The following ASMTL variants were observed in gnomAD, a reference collection of about 807,000 sequenced individuals.
ASMTL encodes acetylserotonin O-methyltransferase like.
In ASMTL, 57 loss-of-function variants were observed where a neutral mutation model predicts 60.3. The observed-to-expected ratio is 0.95, with a 90% CI of 0.76 to 1.18. The LOEUF (loss-of-function observed/expected upper bound fraction) is 1.18. Ranked by LOEUF, ASMTL falls within the 50% of genes most tolerant of loss-of-function variation. ASMTL has a pLI of 0.00. For synonymous variants in ASMTL, 419 were observed against 373.0 expected (o/e 1.12, Z -1.42); for missense variants, 981 against 852.6 (o/e 1.15, Z -1.88).
intron 8 of ASMTL, among the ~76,000 whole-genome samples, chrX:1,422,284 C>G (rs1363718513): frequency 4.6e-5 from 7 of 152,168 alleles, no homozygotes; most frequent in Non-Finnish European, 1.0e-4. Context: ...TGGCCTCATC[C>G]AGCTCATTGA....
chrX:1,451,140 T>C (rs1375802460), intron 1 of ASMTL, among the ~76,000 whole-genome samples: 3 of 111,278 alleles, frequency 2.7e-5, no homozygotes, highest in African/African-American at 1.1e-4. Flanking sequence ...TCCCCATTCC[T>C]AGGGGGTCCT....
chrX:1,432,260 G>A lies in ASMTL; in HGVS notation c.509+9C>T, dbSNP rs1245674106. On this transcript the variant is annotated intron_variant, in intron 6 of 12. Coordinates refer to ENST00000381317, the MANE Select transcript of ASMTL (RefSeq NM_004192.4). ...TGTCCCCCGTCCCCCCACCGCCCCC[G>A]AGACTCACATGGGCTCCCCGCTGTG... 4 of 863,222 alleles carry A rather than the reference G, an allele frequency of 4.6e-6. No individual in the cohort carries two copies. Among genetic ancestry groups the A allele is most frequent in the Non-Finnish European group, 5.5e-6 (3 of 542,670 alleles). 53.5% of individuals were successfully genotyped at this position (863,222 alleles called of 1,614,324 possible).
At chrX:1,442,898 A>C (rs1234098220) in intron 1 of ASMTL, among the ~76,000 whole-genome samples, 1 of 152,156 alleles carries the variant, frequency 6.6e-6, no homozygotes, top group African/African-American at 2.4e-5. Context: ...AAATGCCTCC[A>C]GTGGGGGAGC....
intron 9 of ASMTL, 25 bp downstream of exon 9, chrX:1,421,633 G>T (rs369444146): frequency 6.2e-7 from 1 of 1,613,216 alleles, no homozygotes; most frequent in African/African-American, 1.3e-5. Context: ...TAGACGGAAA[G>T]GTGTCCGCGG....
At chrX:1,428,160 G>C (rs1569533369) in intron 6 of ASMTL, 39 bp from the exon 7 acceptor site, 1 of 1,567,624 alleles carries the variant, frequency 6.4e-7, no homozygotes, top group Non-Finnish European at 8.7e-7. Flanking sequence ...ACAAGGAGGA[G>C]AAAAGTTCCT....
intron 11 of ASMTL, among the ~76,000 whole-genome samples, chrX:1,416,476 G>A (rs1204760032): frequency 1.2e-4 from 17 of 141,422 alleles, no homozygotes; most frequent in Admixed American, 1.1e-3. Flanking sequence ...GACACACATG[G>A]ACATACAGAT....
intron 1 of ASMTL, among the ~76,000 whole-genome samples, chrX:1,443,409 C>T (rs2091160850): frequency 1.6e-5 from 2 of 127,698 alleles, no homozygotes. Context: ...GGACACACGC[C>T]GCCATCTTGG....
chrX:1,453,003 C>T (rs1292490911), upstream of ASMTL: 1 of 562,366 alleles, frequency 1.8e-6, no homozygotes, highest in Admixed American at 3.8e-5. Context: ...TCAGTGGCCT[C>T]CCCGCGAGAC....
chrX:1,453,265 C>G (rs1349426733), upstream of ASMTL, among the ~76,000 whole-genome samples: 12 of 143,780 alleles, frequency 8.3e-5, no homozygotes, highest in Non-Finnish European at 1.7e-4. Flanking sequence ...GCCACACCTC[C>G]TTGCCCTCTC....
chrX:1,415,440 T>A, intron 11 of ASMTL, among the ~76,000 whole-genome samples: 1 of 149,304 alleles, frequency 6.7e-6, no homozygotes, highest in East Asian at 2.0e-4. Context: ...TCCACCTGTT[T>A]ATTTTTATTT....
chrX:1,446,415 T>C (rs1409451970), intron 1 of ASMTL, among the ~76,000 whole-genome samples: 1 of 152,066 alleles, frequency 6.6e-6, no homozygotes, highest in Non-Finnish European at 1.5e-5. Flanking sequence ...CTCTTTGTCT[T>C]GTGTCTTTAT....
In ASMTL at chrX:1,452,823, C is replaced by G; in HGVS notation, c.18G>C (p.Val6=). Reference sequence around the variant, plus strand: ...CGCGCTTGTGCAGCAGCTTCCCAATCACCGGGCACAGCACCATGGCGTCCA... The same window carrying G: ...CGCGCTTGTGCAGCAGCTTCCCAATGACCGGGCACAGCACCATGGCGTCCA... MVLCP[V]IGKLLHKRVV... is the part of the protein sequence containing the mutation. The change falls in exon 1 of 13, where the codon GTG becomes GTC. Residue 6 remains valine (V), a synonymous_variant. Coordinates refer to ENST00000381317, the MANE Select transcript of ASMTL (RefSeq NM_004192.4). The G allele has an allele frequency of 2.5e-6, 4 of 1,593,684 alleles. No individual in the cohort carries two copies. The highest frequency in any genetic ancestry group is 3.4e-6 in the Non-Finnish European group (4 of 1,176,708).
At chrX:1,453,002 T>C, upstream of ASMTL, 1 of 546,108 alleles carries the variant, frequency 1.8e-6, no homozygotes, top group Non-Finnish European at 3.1e-6. Flanking sequence ...TTCAGTGGCC[T>C]CCCCGCGAGA....
chrX:1,412,927 C>A, intron 11 of ASMTL, 73 bp from the exon 12 acceptor site: 1 of 1,543,210 alleles, frequency 6.5e-7, no homozygotes, highest in Non-Finnish European at 8.9e-7. Flanking sequence ...GATCCTGGGA[C>A]GGCCACCCGC....
At chrX:1,440,666 G>A (rs2091087464) in intron 2 of ASMTL, among the ~76,000 whole-genome samples, 1 of 152,070 alleles carries the variant, frequency 6.6e-6, no homozygotes, top group South Asian at 2.1e-4. Flanking sequence ...GGGTGCGGTG[G>A]CTCACGCCTG....
At chrX:1,438,027 G>A (rs1224082718) in intron 3 of ASMTL, among the ~76,000 whole-genome samples, 7 of 152,026 alleles carry the variant, frequency 4.6e-5, no homozygotes, top group South Asian at 2.1e-4. Flanking sequence ...GGTGGCTCAC[G>A]CCTGTCATCC....
At chrX:1,448,270 C>A (rs1442689679) in intron 1 of ASMTL, among the ~76,000 whole-genome samples, 2 of 149,208 alleles carry the variant, frequency 1.3e-5, no homozygotes, top group African/African-American at 4.9e-5. Context: ...CTTGGACACA[C>A]AACATCTTGG....
intron 5 of ASMTL, among the ~76,000 whole-genome samples, chrX:1,433,439 G>A (rs1349053782): frequency 6.6e-6 from 1 of 150,552 alleles, no homozygotes; most frequent in Non-Finnish European, 1.5e-5. Flanking sequence ...GCCGAGGCGG[G>A]CGGATCACAA....
chrX:1,411,041 C>T (rs1241372767), intron 12 of ASMTL, among the ~76,000 whole-genome samples: 13 of 150,550 alleles, frequency 8.6e-5, no homozygotes, highest in South Asian at 2.1e-4. Flanking sequence ...AAAAATTAGC[C>T]GGGCGTGGTG....
Sources: allele counts gnomAD v4.1 joint callset (sites outside exome capture counted in the v4.1 genomes callset), GRCh38; gene constraint gnomAD v4.1.1; transcripts MANE v1.5; gene names NCBI Gene and HGNC (gene_info 2026-07-23, HGNC 2026-07-21).